TCF7L1: variants seen among roughly 807,000 people sequenced by gnomAD.
TCF7L1 encodes the protein transcription factor 7-like 1.
Under a neutral mutation model 63.7 loss-of-function variants are expected in TCF7L1, and 18 were observed. The ratio of observed to expected loss-of-function variants is 0.28; its 90% confidence interval spans 0.20 to 0.42. The LOEUF is 0.42. Among genes scored for constraint, TCF7L1 ranks in the 10% least tolerant of loss-of-function variants. TCF7L1 has a pLI of 1.00. For missense variants in TCF7L1, 654 were observed against 779.3 expected (o/e 0.84, Z 1.91); for synonymous variants, 355 against 340.9 (o/e 1.04, Z -0.46).
At chr2:85,296,771 T>C (rs1256260189) in intron 4 of TCF7L1, among the ~76,000 whole-genome samples, 2 of 152,184 alleles carry the variant, frequency 1.3e-5, no homozygotes, top group Non-Finnish European at 2.9e-5. Context: ...CAAGTCACAT[T>C]TGTGCCATTT....
At chr2:85,152,435 C>CTTTTTTTT (rs67994195) in intron 3 of TCF7L1, among the ~76,000 whole-genome samples, 2 of 131,346 alleles carry the variant, frequency 1.5e-5, no homozygotes, top group Non-Finnish European at 3.1e-5. Flanking sequence ...TTCTCTCTCT[C>CTTTTTTTT]TCTTTTTTTT....
intron 3 of TCF7L1, among the ~76,000 whole-genome samples, chr2:85,230,490 C>T (rs893100285): frequency 2.0e-4 from 30 of 152,110 alleles, no homozygotes; most frequent in Non-Finnish European, 1.0e-4. Context: ...CCCATCACCA[C>T]GCCCAGCTAA....
At chr2:85,212,198 C>T (rs918942123) in intron 3 of TCF7L1, among the ~76,000 whole-genome samples, 5 of 152,054 alleles carry the variant, frequency 3.3e-5, no homozygotes, top group Non-Finnish European at 2.9e-5. Flanking sequence ...CAGTCAGCAG[C>T]CCCCAGATGG....
intron 3 of TCF7L1, among the ~76,000 whole-genome samples, chr2:85,178,612 AT>A (rs916651883): frequency 1.9e-4 from 29 of 152,192 alleles, no homozygotes; most frequent in African/African-American, 6.5e-4. Context: ...AAATGCTGAT[AT>A]TTAATGAGCA....
At chr2:85,226,718 G>A (rs1269647376) in intron 3 of TCF7L1, among the ~76,000 whole-genome samples, 1 of 151,844 alleles carries the variant, frequency 6.6e-6, no homozygotes, top group African/African-American at 2.4e-5. Flanking sequence ...TGTGATCCCA[G>A]AGCCATCTCT....
At chr2:85,192,135 G>T (rs887767916) in intron 3 of TCF7L1, among the ~76,000 whole-genome samples, 2 of 152,208 alleles carry the variant, frequency 1.3e-5, no homozygotes, top group African/African-American at 4.8e-5. Context: ...AGGGGCAGTG[G>T]TCTCCATTCA....
intron 3 of TCF7L1, among the ~76,000 whole-genome samples, chr2:85,150,492 A>G: frequency 6.6e-6 from 1 of 151,948 alleles, no homozygotes; most frequent in Non-Finnish European, 1.5e-5. Flanking sequence ...TTGGCCTCCC[A>G]AAGTGCTGGT....
Position 85,133,728 on chromosome 2 carries a change from G to T in TCF7L1, c.44G>T (p.Ser15Ile), listed in dbSNP as rs1405555811. 8.4e-7 allele frequency: 1 copy of T among 1,195,710 alleles called. No homozygotes were observed. The highest frequency in any genetic ancestry group is 1.0e-6 in the Non-Finnish European group (1 of 965,668). The allele number at this position is 1,195,710 out of a possible 1,614,324, so 74.1% of individuals were successfully genotyped here. Residue 15 changes from serine to isoleucine, a missense_variant, in exon 1 of 12, where the codon AGC becomes ATC. Ser to Ile is a moderately radical substitution (Grantham distance 142). This residue lies in a region of TCF7L1 where 404 missense variants were observed against 454.8 expected (regional missense o/e 0.89). Coordinates refer to ENST00000282111, the MANE Select transcript of TCF7L1 (RefSeq NM_031283.3). This position sits in a 1 kb window ranked among gnomAD's most constrained non-coding sequence, Gnocchi z 4.4. ...GGGGGCGGCGGCGGCGGCGGCGGCA[G>T]CGGGGGAGGCGGCGGCTCCAGCGCC... Reference protein sequence around the residue: ...GGGGGGGGGGSGGGGGSSAGA... With the variant: ...GGGGGGGGGGIGGGGGSSAGA...
intron 3 of TCF7L1, chr2:85,187,393 A>T (rs1317859631): frequency 1.3e-5 from 2 of 152,204 alleles, no homozygotes; most frequent in Non-Finnish European, 2.9e-5. Flanking sequence ...TGTACCCAGA[A>T]TTATAGAACT....
At chr2:85,257,515 C>G (rs1680745556) in intron 3 of TCF7L1, among the ~76,000 whole-genome samples, 1 of 152,196 alleles carries the variant, frequency 6.6e-6, no homozygotes, top group Admixed American at 6.5e-5. Flanking sequence ...CCACTTTGCT[C>G]ATGGGATTTG....
intron 3 of TCF7L1, among the ~76,000 whole-genome samples, chr2:85,216,552 T>C (rs1679717070): frequency 6.6e-6 from 1 of 152,164 alleles, no homozygotes; most frequent in Non-Finnish European, 1.5e-5. Flanking sequence ...GAAGCAAACA[T>C]ACCAGCCCAC....
In TCF7L1 at chr2:85,134,192, T is replaced by A; in HGVS notation, c.313+113T>A. The stretch of plus-strand genomic sequence containing the variant: ...GGTGGACGCACCCTTGCCCTCCGCC[T>A]TTATTGGCGGCAGCCCCCGTGGGGC... On this transcript the variant is annotated intron_variant, in intron 2 of 11. Transcript: ENST00000282111. This position sits in a 1 kb window ranked among gnomAD's most constrained non-coding sequence, Gnocchi z 5.0. 2 of 1,499,670 alleles carry A rather than the reference T, an allele frequency of 1.3e-6. No homozygotes were observed. Among genetic ancestry groups the A allele is most frequent in the Admixed American group, 4.4e-5 (2 of 45,460 alleles). 92.9% of individuals were successfully genotyped at this position (1,499,670 alleles called of 1,614,324 possible).
chr2:85,183,599 C>G (rs910743289), intron 3 of TCF7L1, among the ~76,000 whole-genome samples: 1 of 152,104 alleles, frequency 6.6e-6, no homozygotes, highest in Non-Finnish European at 1.5e-5. Flanking sequence ...GGTGAATAAG[C>G]ATGTCATATA....
intron 3 of TCF7L1, among the ~76,000 whole-genome samples, chr2:85,214,100 AC>A (rs983572612): frequency 5.9e-5 from 9 of 152,180 alleles, no homozygotes; most frequent in African/African-American, 1.9e-4. Flanking sequence ...GTGTCAGGGA[AC>A]CCAGGCATTC....
chr2:85,192,363 C>T (rs957244610), intron 3 of TCF7L1, among the ~76,000 whole-genome samples: 1 of 152,102 alleles, frequency 6.6e-6, no homozygotes. Flanking sequence ...TGAGATGATA[C>T]ATGTGAAACA....
At chr2:85,139,799 C>T (rs993393351) in intron 3 of TCF7L1, among the ~76,000 whole-genome samples, 17 of 152,086 alleles carry the variant, frequency 1.1e-4, no homozygotes, top group African/African-American at 3.9e-4. Flanking sequence ...GTTCCATTTG[C>T]CTGGAAGGAG....
At chr2:85,307,026 G>A (rs1183253878) in intron 10 of TCF7L1, among the ~76,000 whole-genome samples, 1 of 152,208 alleles carries the variant, frequency 6.6e-6, no homozygotes, top group Non-Finnish European at 1.5e-5. Flanking sequence ...CTAGAAATAA[G>A]GAAGGTGTTT....
At chr2:85,274,799 A>C (rs1421610130) in intron 3 of TCF7L1, among the ~76,000 whole-genome samples, 1 of 152,174 alleles carries the variant, frequency 6.6e-6, no homozygotes, top group South Asian at 2.1e-4. Context: ...CCCCAGGTAA[A>C]GCGCAGGTCA....
At chr2:85,214,003 C>A (rs1471019867) in intron 3 of TCF7L1, among the ~76,000 whole-genome samples, 7 of 152,180 alleles carry the variant, frequency 4.6e-5, no homozygotes, top group Non-Finnish European at 1.0e-4. Flanking sequence ...GCCATTCTCA[C>A]CCCGGAACGC....
Sources: gnomAD v4.1 joint callset for allele counts (sites outside exome capture counted in the v4.1 genomes callset) on GRCh38, gnomAD v4.1.1 for gene constraint, gnomAD v4.1.1 regional missense constraint, Gnocchi (gnomAD v3.1) non-coding constraint, MANE v1.5 for transcripts, NCBI Gene and HGNC (gene_info 2026-07-23, HGNC 2026-07-21) for gene names.